The following DTD2 variants were observed in gnomAD, a reference collection of about 807,000 sequenced individuals.
DTD2 encodes the protein D-aminoacyl-tRNA deacylase 2, also known as D-tyrosyl-tRNA deacylase 2 (putative).
A neutral mutation model predicts 15.5 loss-of-function variants in DTD2; 12 were observed. That is an observed-to-expected ratio of 0.77 (90% CI 0.50 to 1.25). The LOEUF is 1.25. Among genes scored for constraint, DTD2 ranks in the 50% most tolerant of loss-of-function variants. The probability of loss-of-function intolerance (pLI) is 0.00; values close to 1 mark genes in which losing one functional copy is unlikely to be tolerated. For synonymous variants in DTD2, 59 were observed against 77.3 expected, an observed-to-expected ratio of 0.76 and a Z score of 1.24; for missense variants, 170 against 201.1, an observed-to-expected ratio of 0.85 and a Z score of 0.93.
intron 1 of DTD2, 53 bp downstream of exon 1, chr14:31,457,229 GA>G (rs892934621): frequency 4.0e-6 from 6 of 1,506,696 alleles, no homozygotes; most frequent in African/African-American, 2.8e-5. Flanking sequence ...AGACAACGCG[GA>G]AAAAACCGCC....
In DTD2 at chr14:31,450,985, T is replaced by C. The variant is rs184765944; in HGVS notation, c.181+2290A>G. Among the ~76,000 whole-genome samples the C allele has an allele frequency of 1.4e-3, 211 of 152,320 alleles. 2 individuals carry two copies. Among genetic ancestry groups the C allele is most frequent in the Admixed American group, 0.013 (196 of 15,282 alleles). On this transcript the variant is annotated intron_variant, in intron 2 of 2. Transcript: ENST00000310850. ...GTCAATCTTAAGTCAGAATGACAAA[T>C]ACTTTCTTCCTGTTTTTGAAGATTT... is the stretch of plus-strand genomic sequence containing the variant.
chr14:31,449,990 A>G (rs565720458), intron 2 of DTD2, among the ~76,000 whole-genome samples: 1 of 152,306 alleles, frequency 6.6e-6, no homozygotes, highest in East Asian at 1.9e-4. Context: ...AAATACCTCT[A>G]GTTTTCTCTA....
At chr14:31,453,657 C>G (rs1240043527) in intron 1 of DTD2, among the ~76,000 whole-genome samples, 1 of 152,172 alleles carries the variant, frequency 6.6e-6, no homozygotes, top group Non-Finnish European at 1.5e-5. Flanking sequence ...GGGTGACAGA[C>G]TTAGAAACAT....
Position 31,457,353 on chromosome 14 carries a change from A to G in DTD2, c.41T>C (p.Leu14Pro), listed in dbSNP as rs1340013918. 1.9e-6 allele frequency: 3 copies of G among 1,590,430 alleles called. No homozygotes were observed. The highest frequency in any genetic ancestry group is 1.7e-6 in the Non-Finnish European group (2 of 1,170,020). ...GSRIPQARAL[L>P]QQCLHARLQI... Reference sequence around the variant, plus strand: ...CAGCCGGGCGTGCAGGCACTGCTGTAGGAGCGCCCGGGCCTGAGGAATCCG... The same window carrying G: ...CAGCCGGGCGTGCAGGCACTGCTGTGGGAGCGCCCGGGCCTGAGGAATCCG... The change falls in exon 1 of 3, where the codon CTA (leucine) becomes CCA (proline). Residue 14 changes from leucine (L) to proline (P), a missense_variant. Physicochemically the swap from Leu to Pro is moderately conservative, Grantham distance 98 (BLOSUM62 -3). Coordinates refer to ENST00000310850, the MANE Select transcript of DTD2 (RefSeq NM_080664.3).
chr14:31,450,134 C>T (rs2032013963), intron 2 of DTD2, among the ~76,000 whole-genome samples: 1 of 152,102 alleles, frequency 6.6e-6, no homozygotes, highest in African/African-American at 2.4e-5. Flanking sequence ...AGTAAATAGG[C>T]AATTTTGGAA....
At chr14:31,450,541 A>C (rs1393351084) in intron 2 of DTD2, among the ~76,000 whole-genome samples, 1 of 152,222 alleles carries the variant, frequency 6.6e-6, no homozygotes, top group Non-Finnish European at 1.5e-5. Context: ...AAATATCTGA[A>C]TCTATGTAAT....
chr14:31,454,670 A>C (rs1306600503), intron 1 of DTD2, among the ~76,000 whole-genome samples: 1 of 152,240 alleles, frequency 6.6e-6, no homozygotes, highest in Non-Finnish European at 1.5e-5. Context: ...TCTTTCCACT[A>C]ACATTATCTC....
intron 1 of DTD2, 100 bp downstream of exon 1, chr14:31,457,183 G>T: frequency 8.9e-7 from 1 of 1,121,354 alleles, no homozygotes; most frequent in African/African-American, 1.6e-5. Context: ...CCGGACCGCC[G>T]GTCTCAGAGG....
rs2031981514 is a variant in DTD2 at position 31,447,970 on chromosome 14, G to C, written c.*159C>G. On this transcript the variant is annotated 3_prime_UTR_variant, in exon 3 of 3. Transcript: ENST00000310850. ...TCCAGAGTTTAGGTGACTTGGCAAA[G>C]TCATCCAATTAGCAGGTGCAGAGTT... 6.6e-6 allele frequency: 4 copies of C among 609,494 alleles called. No individual in the cohort carries two copies. The Middle Eastern group carries it at 1.3e-3, about 202-fold the overall frequency. 37.8% of individuals were successfully genotyped at this position (609,494 alleles called of 1,614,324 possible).
Position 31,453,320 on chromosome 14 carries a change from C to A in DTD2, c.136G>T (p.Val46Leu). 1 of 1,613,968 alleles carries A rather than the reference C, an allele frequency of 6.2e-7. No homozygotes were observed. Among genetic ancestry groups the A allele is most frequent in the South Asian group, 1.1e-5 (1 of 91,078 alleles). The change falls in exon 2 of 3, where the codon GTG (valine) becomes TTG (leucine). Residue 46 changes from valine (V) to leucine (L), a missense_variant. By Grantham distance (32) the Val-to-Leu change is conservative. Transcript: ENST00000310850. ...VEVQRGLVIY[V>L]CFFKGADKEL... ...TTATCAGCTCCCTTGAAAAAGCACA[C>A]GTAGATCACCAGTCCTCTTTGGACC...
intron 1 of DTD2, among the ~76,000 whole-genome samples, chr14:31,454,461 C>T (rs2032073409): frequency 3.3e-5 from 5 of 152,168 alleles, no homozygotes; most frequent in Admixed American, 1.3e-4. Context: ...AAAGTACAAT[C>T]GTGCTACTGA....
At chr14:31,449,753 A>G (rs2032008636) in intron 2 of DTD2, among the ~76,000 whole-genome samples, 1 of 152,232 alleles carries the variant, frequency 6.6e-6, no homozygotes, top group Non-Finnish European at 1.5e-5. Context: ...GGAACTACAT[A>G]AACTTCAAGA....
rs965579904 is a variant in DTD2, at chr14:31,457,454, G to C, written c.-61C>G. 4 of 1,280,020 alleles carry C rather than the reference G, an allele frequency of 3.1e-6. No individual in the cohort carries two copies. In the Admixed American group the frequency reaches 1.0e-4, roughly 33 times the overall value. The allele number at this position is 1,280,020 out of a possible 1,614,324, so 79.3% of individuals were successfully genotyped here. On this transcript the variant is annotated 5_prime_UTR_variant, in exon 1 of 3. Coordinates refer to ENST00000310850, the MANE Select transcript of DTD2 (RefSeq NM_080664.3). ...GCCATGTGTCGCTGGCCCCTCCCTC[G>C]ACGCGCTGGCGGGGCAGACGAGGCG...
chr14:31,451,236 C>T (rs1046389090), intron 2 of DTD2, among the ~76,000 whole-genome samples: 8 of 151,750 alleles, frequency 5.3e-5, no homozygotes, highest in Non-Finnish European at 1.2e-4. Flanking sequence ...CAAACTCCAC[C>T]TCCTGGGCTC....
At position 31,447,737 on chromosome 14, in the gene DTD2, C is replaced by G. The variant is rs763653914; in HGVS notation, c.*392G>C. Reference sequence around the variant, plus strand: ...TTGGGAGGCTGAGGCAGGAGAATCGCTTGAATCCAGGAGGTGGAGGTTGCA... The same window carrying G: ...TTGGGAGGCTGAGGCAGGAGAATCGGTTGAATCCAGGAGGTGGAGGTTGCA... On this transcript the variant is annotated 3_prime_UTR_variant, in exon 3 of 3. Coordinates refer to ENST00000310850, the MANE Select transcript of DTD2 (RefSeq NM_080664.3). 88 of 156,722 alleles carry G rather than the reference C, an allele frequency of 5.6e-4. No individual in the cohort carries two copies. The highest frequency in any genetic ancestry group is 1.0e-3 in the Non-Finnish European group (73 of 71,352). 9.7% of individuals were successfully genotyped at this position (156,722 alleles called of 1,614,324 possible).
chr14:31,454,345 A>T (rs990717269), intron 1 of DTD2, among the ~76,000 whole-genome samples: 5 of 152,240 alleles, frequency 3.3e-5, no homozygotes, highest in Admixed American at 6.5e-5. Flanking sequence ...ATTAACATTC[A>T]ACTATATGTT....
At chr14:31,448,487 G>A in intron 2 of DTD2, 33 bp from the exon 3 acceptor site, 1 of 1,533,290 alleles carries the variant, frequency 6.5e-7, no homozygotes. Flanking sequence ...ACATTTTAAA[G>A]TGAAAAACAA....
At position 31,447,946 on chromosome 14, in the gene DTD2, C is replaced by A. The variant is rs1171377857; in HGVS notation, c.*183G>T. 9.0e-6 allele frequency: 5 copies of A among 553,040 alleles called. No individual in the cohort carries two copies. Among genetic ancestry groups the A allele is most frequent in the Middle Eastern group, 4.6e-4 (1 of 2,152 alleles). The allele number at this position is 553,040 out of a possible 1,614,324, so 34.3% of individuals were successfully genotyped here. ...ATGTAGGACAAAAGGTGACTGAGATCCAGAGTTTAGGTGACTTGGCAAAGT... is the reference window on the plus strand; with the variant it reads ...ATGTAGGACAAAAGGTGACTGAGATACAGAGTTTAGGTGACTTGGCAAAGT... On this transcript the variant is annotated 3_prime_UTR_variant, in exon 3 of 3. Coordinates refer to ENST00000310850, the MANE Select transcript of DTD2 (RefSeq NM_080664.3).
chr14:31,448,357 A>C lies in DTD2; in HGVS notation c.279T>G (p.Ala93=). Reference sequence around the variant, plus strand: ...TTCCTTTTAGTCTTCCTCCAAGGGTAGCTTGAGGGATAATAAGAATGTTGC... The same window carrying C: ...TTCCTTTTAGTCTTCCTCCAAGGGTCGCTTGAGGGATAATAAGAATGTTGC... ...LPGNILIIPQ[A]TLGGRLKGRN... The change falls in exon 3 of 3, where the codon GCT becomes GCG. Residue 93 remains alanine, a synonymous_variant. Transcript: ENST00000310850. The C allele has an allele frequency of 6.2e-7, 1 of 1,614,164 alleles. No homozygotes were observed. The highest frequency in any genetic ancestry group is 8.5e-7 in the Non-Finnish European group (1 of 1,180,004).
Sources: allele counts gnomAD v4.1 joint callset (sites outside exome capture counted in the v4.1 genomes callset), GRCh38; gene constraint gnomAD v4.1.1; transcripts MANE v1.5; gene names NCBI Gene and HGNC (gene_info 2026-07-23, HGNC 2026-07-21).